The following RBMS3 variants were observed in gnomAD, a reference collection of about 807,000 sequenced individuals.
The protein encoded by RBMS3 is RNA binding motif single stranded interacting protein 3.
RBMS3 carries 27 observed loss-of-function variants against 66.8 expected under a neutral mutation model. The observed-to-expected ratio is 0.40, with a 90% CI of 0.30 to 0.56. RBMS3 has a LOEUF of 0.56. Ranked by LOEUF, RBMS3 falls within the 20% of genes least tolerant of loss-of-function variation. The pLI, the probability that RBMS3 is intolerant of heterozygous loss-of-function variation, is 0.40. For missense variants in RBMS3, 513 were observed against 549.5 expected, an observed-to-expected ratio of 0.93 and a Z score of 0.66; for synonymous variants, 188 against 183.0, an observed-to-expected ratio of 1.03 and a Z score of -0.22.
intron 3 of RBMS3, among the ~76,000 whole-genome samples, chr3:29,523,263 G>T (rs542086266): frequency 6.6e-6 from 1 of 152,152 alleles, no homozygotes; most frequent in Non-Finnish European, 1.5e-5. Context: ...TAGTGGGCAC[G>T]ACGTAGCAGG....
chr3:29,686,144 T>A (rs1230877556), intron 4 of RBMS3, among the ~76,000 whole-genome samples: 4 of 152,134 alleles, frequency 2.6e-5, no homozygotes, highest in African/African-American at 9.6e-5. Context: ...CAAGACTCTC[T>A]GGCCAACGTA....
chr3:29,632,301 G>A (rs1478580320), intron 4 of RBMS3, among the ~76,000 whole-genome samples: 1 of 151,790 alleles, frequency 6.6e-6, no homozygotes, highest in Non-Finnish European at 1.5e-5. Flanking sequence ...AGTTATCTTT[G>A]TTCTGCATTA....
chr3:29,415,438 G>A (rs2040441225), intron 1 of RBMS3, among the ~76,000 whole-genome samples: 1 of 152,204 alleles, frequency 6.6e-6, no homozygotes, highest in Non-Finnish European at 1.5e-5. Flanking sequence ...GGGAGACTGT[G>A]AAACTGGCCC....
At chr3:29,644,740 A>G (rs1351227354) in intron 4 of RBMS3, among the ~76,000 whole-genome samples, 1 of 152,188 alleles carries the variant, frequency 6.6e-6, no homozygotes, top group African/African-American at 2.4e-5. Context: ...TATTGATTGC[A>G]CAGGCGAAAG....
At chr3:29,933,344 A>G (rs1577188810) in intron 10 of RBMS3, among the ~76,000 whole-genome samples, 2 of 152,114 alleles carry the variant, frequency 1.3e-5, no homozygotes, top group East Asian at 3.9e-4. Context: ...TATACAATAC[A>G]AAAGAGATTC....
At chr3:29,690,360 G>A (rs752150005) in intron 4 of RBMS3, among the ~76,000 whole-genome samples, 6 of 152,126 alleles carry the variant, frequency 3.9e-5, no homozygotes, top group Non-Finnish European at 8.8e-5. Context: ...TGAAGAAGGA[G>A]GATTGCTTGA....
At chr3:29,310,438 T>C (rs776602687) in intron 1 of RBMS3, among the ~76,000 whole-genome samples, 7 of 151,692 alleles carry the variant, frequency 4.6e-5, no homozygotes, top group Non-Finnish European at 1.0e-4. Flanking sequence ...GAATTACATG[T>C]ATGGTAGAAT....
intron 1 of RBMS3, among the ~76,000 whole-genome samples, chr3:29,302,699 C>G (rs1324864091): frequency 6.6e-6 from 1 of 151,956 alleles, no homozygotes; most frequent in East Asian, 1.9e-4. Flanking sequence ...ATGTGTATTG[C>G]CTTGGCACAG....
At chr3:29,337,004 CTAAT>C (rs1344714021) in intron 1 of RBMS3, among the ~76,000 whole-genome samples, 7 of 152,088 alleles carry the variant, frequency 4.6e-5, no homozygotes, top group Non-Finnish European at 1.0e-4. Context: ...TTAAAATGCT[CTAAT>C]TATAATTTCA....
At chr3:29,722,750 G>A (rs914650093) in intron 4 of RBMS3, among the ~76,000 whole-genome samples, 1 of 152,022 alleles carries the variant, frequency 6.6e-6, no homozygotes, top group African/African-American at 2.4e-5. Flanking sequence ...TTAGGTTCGG[G>A]TTATGCCTTG....
At chr3:29,729,835 A>G (rs188235403) in intron 4 of RBMS3, among the ~76,000 whole-genome samples, 1 of 152,316 alleles carries the variant, frequency 6.6e-6, no homozygotes, top group African/African-American at 2.4e-5. Context: ...AGCAAAAAGA[A>G]CAATTGAATT....
chr3:29,756,964 A>G (rs2055445562), intron 5 of RBMS3, among the ~76,000 whole-genome samples: 1 of 152,144 alleles, frequency 6.6e-6, no homozygotes, highest in African/African-American at 2.4e-5. Flanking sequence ...AGGGATTTTT[A>G]TATAGGTTTC....
chr3:29,700,187 A>C (rs913403446), intron 4 of RBMS3, among the ~76,000 whole-genome samples: 1 of 152,086 alleles, frequency 6.6e-6, no homozygotes, highest in Non-Finnish European at 1.5e-5. Context: ...CTTTTCTCTC[A>C]CTTTTCAGTA....
chr3:29,744,762 C>T (rs561881709), intron 5 of RBMS3, among the ~76,000 whole-genome samples: 9 of 141,190 alleles, frequency 6.4e-5, no homozygotes, highest in African/African-American at 1.1e-4. Context: ...CCAGCCCGCA[C>T]GATAGTGTAA....
chr3:29,812,388 C>G (rs1183143622), intron 6 of RBMS3, among the ~76,000 whole-genome samples: 2 of 152,074 alleles, frequency 1.3e-5, no homozygotes, highest in Non-Finnish European at 2.9e-5. Flanking sequence ...TTAAAGAGAC[C>G]GTCATTGAGT....
At chr3:29,408,752 T>C (rs2040137705) in intron 1 of RBMS3, among the ~76,000 whole-genome samples, 4 of 152,198 alleles carry the variant, frequency 2.6e-5, no homozygotes, top group Admixed American at 2.6e-4. Context: ...AACTAATATT[T>C]TTCGTCAGAA....
intron 2 of RBMS3, among the ~76,000 whole-genome samples, chr3:29,481,720 A>G (rs1002521708): frequency 1.3e-5 from 2 of 152,240 alleles, no homozygotes; most frequent in African/African-American, 4.8e-5. Flanking sequence ...ATTAGAAAGC[A>G]TAAATGCTAA....
rs951944696 is a variant in RBMS3 at position 29,798,835 on chromosome 3, C to G, written c.637+35846C>G. Among the ~76,000 whole-genome samples, 6 of 151,560 alleles carry G rather than the reference C, an allele frequency of 4.0e-5. 1 individual carries two copies. The South Asian group carries it at 8.3e-4, about 21-fold the overall frequency. The stretch of plus-strand genomic sequence containing the variant: ...CAACAGTAGAATTTTTGATGACTCT[C>G]TGGATTTAATTCATGCATCATTTGG... On this transcript the variant is annotated intron_variant, in intron 6 of 14. Transcript: ENST00000383767.
At chr3:29,538,295 A>G (rs1184156563) in intron 3 of RBMS3, among the ~76,000 whole-genome samples, 2 of 152,232 alleles carry the variant, frequency 1.3e-5, no homozygotes, top group Non-Finnish European at 2.9e-5. Flanking sequence ...GGATTTTCCC[A>G]CAGAAGTTCT....
Sources: gnomAD v4.1 joint callset for allele counts (sites outside exome capture counted in the v4.1 genomes callset) on GRCh38, gnomAD v4.1.1 for gene constraint, MANE v1.5 for transcripts, NCBI Gene and HGNC (gene_info 2026-07-23, HGNC 2026-07-21) for gene names.